The following PPP4R4 variants were observed in gnomAD, a reference collection of about 807,000 sequenced individuals.
PPP4R4 encodes protein phosphatase 4 regulatory subunit 4, also known as serine/threonine-protein phosphatase 4 regulatory subunit 4.
PPP4R4 carries 70 observed loss-of-function variants against 121.8 expected under a neutral mutation model. The observed-to-expected ratio is 0.57, with a 90% CI of 0.47 to 0.70. PPP4R4 has a LOEUF of 0.70. PPP4R4 is among the 30% of genes least tolerant of loss of function. The pLI, the probability that PPP4R4 is intolerant of heterozygous loss-of-function variation, is 0.00. For synonymous variants in PPP4R4, 348 were observed against 355.7 expected (o/e 0.98, Z 0.24); for missense variants, 875 against 1,033.6 (o/e 0.85, Z 2.10).
At chr14:94,267,238 G>A (rs1894097080) in intron 23 of PPP4R4, among the ~76,000 whole-genome samples, 1 of 152,110 alleles carries the variant, frequency 6.6e-6, no homozygotes, top group South Asian at 2.1e-4. Context: ...CAAGAGTTTA[G>A]TACTTTTAAA....
In PPP4R4 at chr14:94,174,337, T is replaced by A. The variant is rs1888535131; in HGVS notation, c.-129T>A. On this transcript the variant is annotated 5_prime_UTR_variant, in exon 1 of 25. Transcript: ENST00000304338. Reference sequence around the variant, plus strand: ...GGGCCGTGCTCTTGCTCCCGCCGCCTGGCAGCCTCACGCTCGGCTCCAGCG... The same window carrying A: ...GGGCCGTGCTCTTGCTCCCGCCGCCAGGCAGCCTCACGCTCGGCTCCAGCG... 1 of 800,568 alleles carries A rather than the reference T, an allele frequency of 1.2e-6. No individual in the cohort carries two copies. Among genetic ancestry groups the A allele is most frequent in the East Asian group, 3.7e-5 (1 of 26,796 alleles). 49.6% of individuals were successfully genotyped at this position (800,568 alleles called of 1,614,324 possible).
chr14:94,278,746 G>GTTTT lies in PPP4R4; in HGVS notation c.*111_*114dup. ...CTGGGGCTTTGTTTTTAAATTTTGG[G>GTTTT]TTTTTTTTTTTGTTGTTGTTAATGA... is the stretch of plus-strand genomic sequence containing the variant. On this transcript the variant is annotated 3_prime_UTR_variant, in exon 25 of 25. Coordinates refer to ENST00000304338, the MANE Select transcript of PPP4R4 (RefSeq NM_058237.2). The GTTTT allele has an allele frequency of 3.1e-6, 3 of 974,008 alleles. No homozygotes were observed. The highest frequency in any genetic ancestry group is 2.7e-5 in the South Asian group (1 of 37,092). 60.3% of individuals were successfully genotyped at this position (974,008 alleles called of 1,614,324 possible).
chr14:94,206,532 C>CT (rs1286199550), intron 2 of PPP4R4, among the ~76,000 whole-genome samples: 1 of 151,708 alleles, frequency 6.6e-6, no homozygotes, highest in African/African-American at 2.4e-5. Flanking sequence ...CTTCTGTTTT[C>CT]TTTTTCTTGC....
chr14:94,245,247 A>G (rs1014795220), intron 12 of PPP4R4, among the ~76,000 whole-genome samples: 6 of 152,180 alleles, frequency 3.9e-5, no homozygotes, highest in Non-Finnish European at 5.9e-5. Context: ...GAATATTTTG[A>G]TATCACTGAG....
chr14:94,193,879 A>G (rs1253837939), intron 2 of PPP4R4, among the ~76,000 whole-genome samples: 1 of 152,210 alleles, frequency 6.6e-6, no homozygotes, highest in Admixed American at 6.5e-5. Flanking sequence ...TGAAGCCTTT[A>G]CCGTGTGCTG....
At chr14:94,216,194 G>A (rs868143051) in intron 3 of PPP4R4, among the ~76,000 whole-genome samples, 3 of 152,236 alleles carry the variant, frequency 2.0e-5, no homozygotes, top group African/African-American at 4.8e-5. Flanking sequence ...ATAGAAAGCT[G>A]CAAGAGAACA....
chr14:94,252,095 T>G (rs1479445309), intron 16 of PPP4R4, among the ~76,000 whole-genome samples, 199 bp downstream of exon 16: 1 of 152,204 alleles, frequency 6.6e-6, no homozygotes. Context: ...TCAGATCTTT[T>G]GTCTTTACTG....
intron 24 of PPP4R4, among the ~76,000 whole-genome samples, chr14:94,277,775 G>A (rs942929181): frequency 3.3e-5 from 5 of 152,094 alleles, no homozygotes; most frequent in African/African-American, 1.2e-4. Flanking sequence ...AACATACGTA[G>A]TATGTAGTTA....
At chr14:94,260,072 C>T (rs1893694054) in intron 19 of PPP4R4, among the ~76,000 whole-genome samples, 1 of 152,040 alleles carries the variant, frequency 6.6e-6, no homozygotes, top group African/African-American at 2.4e-5. Flanking sequence ...GGGTAAATAC[C>T]TAGGAATAGA....
chr14:94,213,210 T>G (rs1890834325), intron 3 of PPP4R4, among the ~76,000 whole-genome samples: 1 of 152,220 alleles, frequency 6.6e-6, no homozygotes, highest in Non-Finnish European at 1.5e-5. Context: ...GTCTGAGCCC[T>G]GAGTCCTCAC....
intron 14 of PPP4R4, among the ~76,000 whole-genome samples, chr14:94,248,214 G>A (rs1327234777): frequency 6.6e-6 from 1 of 152,162 alleles, no homozygotes; most frequent in Non-Finnish European, 1.5e-5. Context: ...CTGCAGTAAA[G>A]TTTCAGGTTG....
At chr14:94,254,509 G>A (rs562511923) in intron 16 of PPP4R4, among the ~76,000 whole-genome samples, 1 of 152,202 alleles carries the variant, frequency 6.6e-6, no homozygotes, top group South Asian at 2.1e-4. Flanking sequence ...TTACAATGCT[G>A]GAAATTCTAC....
intron 2 of PPP4R4, among the ~76,000 whole-genome samples, chr14:94,178,117 A>C (rs184502750): frequency 6.6e-6 from 1 of 152,170 alleles, no homozygotes; most frequent in Non-Finnish European, 1.5e-5. Flanking sequence ...CCTGGGATTC[A>C]GGGGAGGGGA....
At chr14:94,256,953 G>A (rs1030010744) in intron 17 of PPP4R4, among the ~76,000 whole-genome samples, 1 of 152,028 alleles carries the variant, frequency 6.6e-6, no homozygotes, top group African/African-American at 2.4e-5. Context: ...GGTAAAATTG[G>A]CAAAGTCACA....
Position 94,259,306 on chromosome 14 carries a change from G to A in PPP4R4, c.2064G>A (p.Lys688=), listed in dbSNP as rs557172779. 1 of 1,606,062 alleles carries A rather than the reference G, an allele frequency of 6.2e-7. No homozygotes were observed. Among genetic ancestry groups the A allele is most frequent in the Non-Finnish European group, 8.5e-7 (1 of 1,177,556 alleles). Residue 688 remains lysine, a synonymous_variant, in exon 19 of 25, where the codon AAG becomes AAA. Transcript: ENST00000304338. ...TAAACTTTAAACAGTTTCAGAAAAA[G>A]TTTTATGAGAAAGATTTGTTGGATC... ...MEMSMDAFQK[K]FYEKDLLDQE... is the part of the protein sequence containing the mutation.
At chr14:94,233,870 T>C in intron 6 of PPP4R4, 111 bp downstream of exon 6, 1 of 726,580 alleles carries the variant, frequency 1.4e-6, no homozygotes, top group South Asian at 1.8e-5. Context: ...AATTTAGTTA[T>C]CTTAACTATT....
chr14:94,242,512 C>A, intron 11 of PPP4R4, 104 bp downstream of exon 11: 1 of 1,085,856 alleles, frequency 9.2e-7, no homozygotes, highest in Non-Finnish European at 1.3e-6. Flanking sequence ...CTGGATATCT[C>A]TTTCATGTTC....
chr14:94,213,478 C>A (rs187616418), intron 3 of PPP4R4, among the ~76,000 whole-genome samples: 4 of 152,272 alleles, frequency 2.6e-5, no homozygotes, highest in Admixed American at 2.6e-4. Flanking sequence ...ATATTGGGCC[C>A]TAATCCCTAG....
chr14:94,267,274 G>A (rs1894099566), intron 23 of PPP4R4, among the ~76,000 whole-genome samples: 1 of 152,116 alleles, frequency 6.6e-6, no homozygotes, highest in South Asian at 2.1e-4. Context: ...AAGTGATAGG[G>A]TATGTTTTGC....
Sources: allele counts gnomAD v4.1 joint callset (sites outside exome capture counted in the v4.1 genomes callset), GRCh38; gene constraint gnomAD v4.1.1; transcripts MANE v1.5; gene names NCBI Gene and HGNC (gene_info 2026-07-23, HGNC 2026-07-21).